The following RYK variants were observed in gnomAD, a reference collection of about 807,000 sequenced individuals.
RYK encodes the protein inactive tyrosine-protein kinase RYK.
A neutral mutation model predicts 70.2 loss-of-function variants in RYK; 21 were observed. The observed-to-expected ratio is 0.30, with a 90% confidence interval of 0.21 to 0.43. RYK has a LOEUF of 0.43. Among genes scored for constraint, RYK ranks in the 20% least tolerant of loss-of-function variants. RYK has a pLI of 1.00. For missense variants in RYK, 604 were observed against 753.3 expected (o/e 0.80, Z 2.32); for synonymous variants, 267 against 278.0 (o/e 0.96, Z 0.39).
At chr3:134,210,120 A>G (rs1370257336) in intron 3 of RYK, among the ~76,000 whole-genome samples, 1 of 152,196 alleles carries the variant, frequency 6.6e-6, no homozygotes, top group African/African-American at 2.4e-5. Flanking sequence ...TTTTTAATAC[A>G]CCACTTTGTC....
chr3:134,176,958 G>A (rs1009889201), intron 11 of RYK, among the ~76,000 whole-genome samples: 1 of 152,070 alleles, frequency 6.6e-6, no homozygotes, highest in African/African-American at 2.4e-5. Context: ...TGAGGCAGGA[G>A]AACGGCGTGA....
intron 1 of RYK, among the ~76,000 whole-genome samples, chr3:134,247,955 T>A (rs2015507981): frequency 6.6e-6 from 1 of 152,192 alleles, no homozygotes; most frequent in Non-Finnish European, 1.5e-5. Flanking sequence ...AAGCTACTAT[T>A]CCAAGAAGCC....
rs188948254 is a variant in RYK, at chr3:134,208,903, C to T, written c.589+792G>A. ...GAACACAGTAAGCACTGAGGGTTTGCGAGGTTTTTTTAAAGTATATTTCCC... is the reference window on the plus strand; with the variant it reads ...GAACACAGTAAGCACTGAGGGTTTGTGAGGTTTTTTTAAAGTATATTTCCC... On this transcript the variant is annotated intron_variant, in intron 4 of 14. Transcript: ENST00000623711. Among the ~76,000 whole-genome samples, 12 of 151,952 alleles carry T rather than the reference C, an allele frequency of 7.9e-5. No individual in the cohort carries two copies. The East Asian group carries it at 2.3e-3, about 29-fold the overall frequency.
chr3:134,229,641 A>C (rs1255400271), intron 1 of RYK, among the ~76,000 whole-genome samples: 1 of 152,184 alleles, frequency 6.6e-6, no homozygotes, highest in Non-Finnish European at 1.5e-5. Flanking sequence ...CTATCTAAGA[A>C]AGAACTTAGC....
chr3:134,243,738 T>C (rs2015383343), intron 1 of RYK, among the ~76,000 whole-genome samples: 1 of 152,162 alleles, frequency 6.6e-6, no homozygotes, highest in Non-Finnish European at 1.5e-5. Context: ...TCAAATGTCT[T>C]TTTTTTCCCT....
intron 2 of RYK, among the ~76,000 whole-genome samples, chr3:134,220,979 C>T (rs1186380871): frequency 6.6e-6 from 1 of 152,006 alleles, no homozygotes; most frequent in Non-Finnish European, 1.5e-5. Flanking sequence ...TACATCCATA[C>T]AATCTCATAT....
intron 1 of RYK, among the ~76,000 whole-genome samples, chr3:134,249,428 C>T (rs529821769): frequency 6.6e-6 from 1 of 152,036 alleles, no homozygotes; most frequent in Non-Finnish European, 1.5e-5. Flanking sequence ...AATTTTTCCC[C>T]TCAAACACTC....
At chr3:134,235,311 C>A (rs1576535546) in intron 1 of RYK, among the ~76,000 whole-genome samples, 1 of 124,012 alleles carries the variant, frequency 8.1e-6, no homozygotes, top group Non-Finnish European at 1.7e-5. Flanking sequence ...TGGCATTTTT[C>A]TTCTTTACAA....
At chr3:134,241,925 G>A (rs939619628) in intron 1 of RYK, among the ~76,000 whole-genome samples, 5 of 152,174 alleles carry the variant, frequency 3.3e-5, no homozygotes, top group African/African-American at 7.2e-5. Flanking sequence ...AGCAAGATAC[G>A]CTCTTCCTCC....
chr3:134,197,386 C>T (rs1169741401), intron 6 of RYK, among the ~76,000 whole-genome samples: 1 of 152,122 alleles, frequency 6.6e-6, no homozygotes, highest in East Asian at 1.9e-4. Context: ...CTCAAATTCC[C>T]GTGGACAGAG....
chr3:134,238,418 T>G (rs557079690), intron 1 of RYK, among the ~76,000 whole-genome samples: 4 of 152,316 alleles, frequency 2.6e-5, no homozygotes, highest in African/African-American at 9.6e-5. Context: ...AAAGAACGTA[T>G]GCATGACCAA....
intron 2 of RYK, among the ~76,000 whole-genome samples, chr3:134,217,925 G>T (rs9839609): frequency 0.3 from 45,891 of 151,918 alleles, 8,456 homozygotes; most frequent in Middle Eastern, 0.47. Flanking sequence ...TTATTACCTA[G>T]AATTGGGAAC....
chr3:134,228,453 A>G (rs185039914), intron 1 of RYK, among the ~76,000 whole-genome samples: 1 of 152,348 alleles, frequency 6.6e-6, no homozygotes, highest in Non-Finnish European at 1.5e-5. Flanking sequence ...ACTGTCCAAC[A>G]AGGAATGAAT....
chr3:134,178,664 T>C (rs1004876960), intron 10 of RYK: 1 of 152,140 alleles, frequency 6.6e-6, no homozygotes, highest in Admixed American at 6.5e-5. Flanking sequence ...TCTTATAACA[T>C]AGGGACCCCA....
In RYK at chr3:134,216,723, G is replaced by T. The variant is rs2014562484; in HGVS notation, c.355-5116C>A. ...CAGGAGAATGGTGTGAACCCAGGAG[G>T]TGGAGGTTGCAGTGAGCAGAGAAAG... On this transcript the variant is annotated intron_variant, in intron 2 of 14. Coordinates refer to ENST00000623711, the MANE Select transcript of RYK (RefSeq NM_002958.4). Among the ~76,000 whole-genome samples, 3 of 144,936 alleles carry T rather than the reference G, an allele frequency of 2.1e-5. No individual in the cohort carries two copies. In the South Asian group the frequency reaches 6.7e-4, roughly 32 times the overall value.
chr3:134,172,545 T>C (rs1367816344), intron 13 of RYK, among the ~76,000 whole-genome samples: 2 of 152,224 alleles, frequency 1.3e-5, no homozygotes, highest in Admixed American at 6.5e-5. Flanking sequence ...TGTCATTCAG[T>C]ACAGCAGCTG....
Position 134,231,226 on chromosome 3 carries a change from C to T in RYK, c.233-8687G>A, listed in dbSNP as rs146248074. On this transcript the variant is annotated intron_variant, in intron 1 of 14. Transcript: ENST00000623711. ...AAAAAAAAAGAAGAAAATGCAGGCA[C>T]GTCCTCAAGTCATACATGCAGTCAT... Among the ~76,000 whole-genome samples the T allele has an allele frequency of 1.2e-3, 183 of 151,262 alleles. 1 individual carries two copies. Among genetic ancestry groups the T allele is most frequent in the African/African-American group, 3.7e-3 (153 of 41,256 alleles).
At chr3:134,220,542 TA>T (rs1576527736) in intron 2 of RYK, among the ~76,000 whole-genome samples, 3 of 152,184 alleles carry the variant, frequency 2.0e-5, no homozygotes, top group Admixed American at 2.0e-4. Flanking sequence ...TTCAAAGTTT[TA>T]AAGACACACA....
rs1374122514 is a variant in RYK at position 134,250,655 on chromosome 3, GGCCGCCGCC to G, written c.-10_-2del. The G allele has an allele frequency of 5.1e-6, 5 of 980,958 alleles. No individual in the cohort carries two copies. In the South Asian group the frequency reaches 1.4e-4, roughly 27 times the overall value. The allele number at this position is 980,958 out of a possible 1,614,324, so 60.8% of individuals were successfully genotyped here. A position where few individuals can be genotyped will look rare whatever the true frequency, so the allele number is the denominator to read the frequency against. ...GCCCCAGCCGCGCCGCCCCACGCATGGCCGCCGCCGCCGCCGCCGAAGAGGAGCGTCGGC... is the reference window on the plus strand; with the variant it reads ...GCCCCAGCCGCGCCGCCCCACGCATGGCCGCCGCCGAAGAGGAGCGTCGGC... On this transcript the variant is annotated 5_prime_UTR_variant, in exon 1 of 15. Coordinates refer to ENST00000623711, the MANE Select transcript of RYK (RefSeq NM_002958.4).
Sources: allele counts gnomAD v4.1 joint callset (sites outside exome capture counted in the v4.1 genomes callset), GRCh38; gene constraint gnomAD v4.1.1; transcripts MANE v1.5; gene names NCBI Gene and HGNC (gene_info 2026-07-23, HGNC 2026-07-21).